SPAG9: variants seen among roughly 807,000 people sequenced by gnomAD.
SPAG9 encodes sperm associated antigen 9, also known as C-Jun-amino-terminal kinase-interacting protein 4.
A neutral mutation model predicts 166.5 loss-of-function variants in SPAG9; 35 were observed. The observed-to-expected ratio is 0.21, with a 90% CI of 0.16 to 0.28. The LOEUF (loss-of-function observed/expected upper bound fraction) is 0.28. SPAG9 is among the 10% of genes least tolerant of loss of function. The pLI is 1.00. For missense variants in SPAG9, 1,235 were observed against 1,603.3 expected (o/e 0.77, Z 3.92); for synonymous variants, 534 against 565.5 (o/e 0.94, Z 0.79).
intron 5 of SPAG9, among the ~76,000 whole-genome samples, chr17:51,038,064 G>A (rs535870867): frequency 3.3e-5 from 5 of 152,196 alleles, no homozygotes; most frequent in Admixed American, 2.0e-4. Context: ...TCTCTAGGGC[G>A]TTAGTGAGAC....
At chr17:50,992,086 C>G (rs568952142) in intron 19 of SPAG9, among the ~76,000 whole-genome samples, 45 of 151,882 alleles carry the variant, frequency 3.0e-4, no homozygotes, top group African/African-American at 1.0e-3. Flanking sequence ...TGAGGTCTCA[C>G]TATATTGCCC....
chr17:51,077,194 G>T lies in SPAG9; in HGVS notation c.424+2390C>A, dbSNP rs181791275. On this transcript the variant is annotated intron_variant, in intron 2 of 29. Coordinates refer to ENST00000262013, the MANE Select transcript of SPAG9 (RefSeq NM_001130528.3). ...GGCCAAGTGTAGTGGTGTGATCTCGGCTCACTGCAACCTCCACCTCCCGGG... is the reference window on the plus strand; with the variant it reads ...GGCCAAGTGTAGTGGTGTGATCTCGTCTCACTGCAACCTCCACCTCCCGGG... Among the ~76,000 whole-genome samples the T allele has an allele frequency of 2.1e-3, 312 of 151,736 alleles. 7 individuals are homozygous for T. The highest frequency in any genetic ancestry group is 1.3e-3 in the Non-Finnish European group (91 of 67,898).
chr17:51,015,119 T>C (rs1029147380), intron 8 of SPAG9, among the ~76,000 whole-genome samples: 3 of 152,186 alleles, frequency 2.0e-5, no homozygotes, highest in African/African-American at 7.2e-5. Context: ...AAAGAAACTA[T>C]AGCAGATGAA....
At chr17:51,004,286 T>A (rs115979962) in intron 12 of SPAG9, among the ~76,000 whole-genome samples, 7 of 152,202 alleles carry the variant, frequency 4.6e-5, no homozygotes, top group Admixed American at 4.6e-4. Flanking sequence ...ACAATGTTAA[T>A]TTATTATGAT....
intron 1 of SPAG9, among the ~76,000 whole-genome samples, chr17:51,095,005 T>C (rs1239683621): frequency 1.3e-5 from 2 of 152,090 alleles, no homozygotes; most frequent in Non-Finnish European, 2.9e-5. Flanking sequence ...AAATAAGAAG[T>C]GGTGGCCAGG....
intron 13 of SPAG9, 101 bp from the exon 14 acceptor site, chr17:50,999,818 G>C: frequency 1.1e-6 from 1 of 890,218 alleles, no homozygotes; most frequent in Non-Finnish European, 1.8e-6. Context: ...ATACACAGAG[G>C]GGAGTCAACA....
At position 51,020,304 on chromosome 17, in the gene SPAG9, T is replaced by C. The variant is rs368069309; in HGVS notation, c.992-46A>G. The C allele has an allele frequency of 1.6e-5, 20 of 1,227,254 alleles. No homozygotes were observed. In the African/African-American group the frequency reaches 2.2e-4, roughly 14 times the overall value. 76.0% of individuals were successfully genotyped at this position (1,227,254 alleles called of 1,614,324 possible). On this transcript the variant is annotated intron_variant, in intron 7 of 29. Transcript: ENST00000262013. The stretch of plus-strand genomic sequence containing the variant: ...AATAAACAATACATATATTACACAG[T>C]ACCCCAATATAAAAATCCTGTTGTT...
chr17:51,063,287 C>T (rs2047568536), intron 2 of SPAG9, among the ~76,000 whole-genome samples: 2 of 151,826 alleles, frequency 1.3e-5, no homozygotes, highest in South Asian at 2.1e-4. Context: ...TGGTGCATGC[C>T]TGTAATCTCA....
rs1417315033 is a variant in SPAG9, at chr17:51,119,617, C to A, written c.303+737G>T. On this transcript the variant is annotated intron_variant, in intron 1 of 29. Transcript: ENST00000262013. ...GAAACTCAGACGGAAAAAGTGTTGC[C>A]AACTGTCACCTACATCTTCCCAACC... Among the ~76,000 whole-genome samples the A allele has an allele frequency of 2.0e-5, 3 of 152,244 alleles. No homozygotes were observed. The East Asian group carries it at 5.8e-4, about 29-fold the overall frequency.
intron 4 of SPAG9, chr17:51,042,493 T>C (rs990838217): frequency 3.3e-5 from 5 of 152,152 alleles, no homozygotes; most frequent in Non-Finnish European, 7.4e-5. Flanking sequence ...CTCAAAAGTG[T>C]AGAAACTAGA....
chr17:50,985,826 A>G, intron 22 of SPAG9, 48 bp from the exon 23 acceptor site: 1 of 1,049,492 alleles, frequency 9.5e-7, no homozygotes, highest in East Asian at 2.4e-5. Flanking sequence ...ACATCAAGAC[A>G]TTGCATATAT....
chr17:51,074,386 C>G (rs1568062881), intron 2 of SPAG9, among the ~76,000 whole-genome samples: 3 of 152,202 alleles, frequency 2.0e-5, no homozygotes. Context: ...CTACTGCACT[C>G]CAGTCTGGGT....
chr17:51,095,976 T>TATATATATATAGTG (rs1568083845), intron 1 of SPAG9, among the ~76,000 whole-genome samples: 14 of 58,388 alleles, frequency 2.4e-4, no homozygotes, highest in African/African-American at 1.8e-3. Flanking sequence ...TATATAGTGA[T>TATATATATATAGTG]ATATATATAT....
Position 50,962,765 on chromosome 17 carries a change from A to G in SPAG9, c.*3507T>C, listed in dbSNP as rs2143491326. 1 of 152,352 alleles carries G rather than the reference A, an allele frequency of 6.6e-6. No individual in the cohort carries two copies. Among genetic ancestry groups the G allele is most frequent in the Admixed American group, 6.5e-5 (1 of 15,296 alleles). The allele number at this position is 152,352 out of a possible 1,614,324, so 9.4% of individuals were successfully genotyped here. A position where few individuals can be genotyped will look rare whatever the true frequency, so the allele number is the denominator to read the frequency against. Reference sequence around the variant, plus strand: ...GACACATCTGTTTTATTTTGTTACTAAGGCAGCCTATGTTAAAGGGTCTCG... The same window carrying G: ...GACACATCTGTTTTATTTTGTTACTGAGGCAGCCTATGTTAAAGGGTCTCG... On this transcript the variant is annotated 3_prime_UTR_variant, in exon 30 of 30. Transcript: ENST00000262013.
intron 25 of SPAG9, among the ~76,000 whole-genome samples, chr17:50,981,732 C>A (rs1282529300): frequency 1.4e-4 from 20 of 147,648 alleles, no homozygotes; most frequent in Non-Finnish European, 6.0e-5. Flanking sequence ...AAAAAAAAAA[C>A]CGTAAGAAAA....
At chr17:51,033,529 T>A (rs891252096) in intron 5 of SPAG9, among the ~76,000 whole-genome samples, 4 of 152,196 alleles carry the variant, frequency 2.6e-5, no homozygotes, top group African/African-American at 7.2e-5. Context: ...ATTAATATAA[T>A]TTTTTAGACA....
intron 19 of SPAG9, among the ~76,000 whole-genome samples, chr17:50,991,178 A>G (rs1975514583): frequency 6.6e-6 from 1 of 151,890 alleles, no homozygotes; most frequent in African/African-American, 2.4e-5. Flanking sequence ...CTAGGATTAC[A>G]GGTGCGAGCC....
intron 8 of SPAG9, among the ~76,000 whole-genome samples, chr17:51,017,242 A>T (rs2045736782): frequency 1.3e-5 from 2 of 152,204 alleles, no homozygotes; most frequent in Non-Finnish European, 2.9e-5. Context: ...GAGCATAGCT[A>T]ATTCATTATA....
At chr17:51,004,231 T>C (rs973787703) in intron 12 of SPAG9, among the ~76,000 whole-genome samples, 6 of 152,210 alleles carry the variant, frequency 3.9e-5, no homozygotes, top group Admixed American at 3.3e-4. Flanking sequence ...ACAGAATAGT[T>C]CAATGTCTAG....
Sources: allele counts gnomAD v4.1 joint callset (sites outside exome capture counted in the v4.1 genomes callset), GRCh38; gene constraint gnomAD v4.1.1; transcripts MANE v1.5; gene names NCBI Gene and HGNC (gene_info 2026-07-23, HGNC 2026-07-21).